MKLN1: variants seen among roughly 807,000 people sequenced by gnomAD.
MKLN1 encodes the protein muskelin 1, also known as muskelin.
A neutral mutation model predicts 99.0 loss-of-function variants in MKLN1; 18 were observed. That is an observed-to-expected ratio of 0.18 (90% CI 0.13 to 0.27). The LOEUF is 0.27. MKLN1 is among the 10% of genes least tolerant of loss of function. The probability of loss-of-function intolerance (pLI) is 1.00; values close to 1 mark genes in which losing one functional copy is unlikely to be tolerated. For synonymous variants in MKLN1, 288 were observed against 293.2 expected (o/e 0.98, Z 0.18); for missense variants, 621 against 875.9 (o/e 0.71, Z 3.67).
At chr7:131,177,336 C>A (rs747822946) in intron 2 of MKLN1, among the ~76,000 whole-genome samples, 2 of 151,906 alleles carry the variant, frequency 1.3e-5, no homozygotes, top group Non-Finnish European at 2.9e-5. Context: ...GACGTGGTGG[C>A]GCGTGCCTGT....
rs191943677 is a variant in MKLN1, at chr7:131,218,723, C to T, written c.-179+15749C>T. Among the ~76,000 whole-genome samples, 7 of 152,196 alleles carry T rather than the reference C, an allele frequency of 4.6e-5. No homozygotes were observed. In the East Asian group the frequency reaches 1.4e-3, roughly 29 times the overall value. On this transcript the variant is annotated intron_variant, in intron 3 of 7. Transcript: ENST00000416992. ...TGGATGAACCTTGGGAACATGATGC[C>T]GAGTGAAATAAGCCAGTCACAACAA...
Position 131,487,982 on chromosome 7 carries a change from T to TA in MKLN1, c.*254_*255insA, listed in dbSNP as rs1797332114. 1.2e-5 allele frequency: 2 copies of TA among 171,700 alleles called. No homozygotes were observed. Among genetic ancestry groups the TA allele is most frequent in the African/African-American group, 2.4e-5 (1 of 41,778 alleles). The allele number at this position is 171,700 out of a possible 1,614,324, so 10.6% of individuals were successfully genotyped here. ...CCAGTTAAATATATATATATATATA[T>TA]TTTTTCTTACTTTATCTTTTAAGAA... is the stretch of plus-strand genomic sequence containing the variant. On this transcript the variant is annotated 3_prime_UTR_variant, in exon 18 of 18. Coordinates refer to ENST00000352689, the MANE Select transcript of MKLN1 (RefSeq NM_013255.5). The surrounding 1 kb of genome is among the most constrained non-coding windows in gnomAD (Gnocchi z 4.7).
chr7:131,301,997 T>C (rs1341393977), intron 3 of MKLN1, among the ~76,000 whole-genome samples: 2 of 152,290 alleles, frequency 1.3e-5, no homozygotes, highest in East Asian at 1.9e-4. Context: ...TCATGTGAAA[T>C]AGGAAAAGTT....
At chr7:131,364,639 C>A (rs1221963240) in intron 1 of MKLN1, among the ~76,000 whole-genome samples, 2 of 152,078 alleles carry the variant, frequency 1.3e-5, no homozygotes, top group Non-Finnish European at 2.9e-5. Flanking sequence ...CACCCTCCAC[C>A]CTCAAGTAGT....
chr7:131,118,091 G>C (rs933277716), intron 1 of MKLN1, among the ~76,000 whole-genome samples: 8 of 152,180 alleles, frequency 5.3e-5, no homozygotes. Context: ...TATTGATGAT[G>C]AATGAGTTCT....
At chr7:131,147,479 C>A (rs1795831969) in intron 2 of MKLN1, among the ~76,000 whole-genome samples, 2 of 152,110 alleles carry the variant, frequency 1.3e-5, no homozygotes, top group African/African-American at 2.4e-5. Flanking sequence ...TCTTACAGAG[C>A]TTAGGTGAGC....
In MKLN1 at chr7:131,331,358, A is replaced by G. The variant is rs543070957; in HGVS notation, c.98+3361A>G. On this transcript the variant is annotated intron_variant, in intron 1 of 17. Coordinates refer to ENST00000352689, the MANE Select transcript of MKLN1 (RefSeq NM_013255.5). Reference sequence around the variant, plus strand: ...TTTCTATTCTTCAGGCACTGTACTGAGCATTTAGCATGTGTTCTTTGATAT... The same window carrying G: ...TTTCTATTCTTCAGGCACTGTACTGGGCATTTAGCATGTGTTCTTTGATAT... Among the ~76,000 whole-genome samples, 4 of 152,304 alleles carry G rather than the reference A, an allele frequency of 2.6e-5. No individual in the cohort carries two copies. The East Asian group carries it at 5.8e-4, about 22-fold the overall frequency.
chr7:131,242,567 A>G lies in MKLN1; in HGVS notation c.-179+39593A>G, dbSNP rs1563264466. 3 of 418,140 alleles carry G rather than the reference A, an allele frequency of 7.2e-6. No homozygotes were observed. The Admixed American group carries it at 9.1e-5, about 13-fold the overall frequency. The allele number at this position is 418,140 out of a possible 1,614,324, so 25.9% of individuals were successfully genotyped here. ...AGAAAAAGGAAAGTTCCTTTTTGCT[A>G]TAGGCCCGAGGGGTTGCTGCTGAAA... On this transcript the variant is annotated intron_variant, in intron 3 of 7. Coordinates refer to the MKLN1 transcript ENST00000416992.
chr7:131,145,666 T>C (rs994696506), intron 2 of MKLN1, among the ~76,000 whole-genome samples: 1 of 152,246 alleles, frequency 6.6e-6, no homozygotes, highest in Non-Finnish European at 1.5e-5. Context: ...CTAGCATATG[T>C]AGCTACCTTT....
intron 3 of MKLN1, among the ~76,000 whole-genome samples, chr7:131,266,567 C>T (rs1330896570): frequency 7.2e-5 from 11 of 152,082 alleles, no homozygotes; most frequent in South Asian, 2.1e-4. Flanking sequence ...GAAGCACTCA[C>T]GTAACATAGT....
intron 1 of MKLN1, among the ~76,000 whole-genome samples, chr7:131,123,022 CAA>C (rs59581806): frequency 5.0e-5 from 3 of 60,374 alleles, no homozygotes; most frequent in Non-Finnish European, 8.4e-5. Context: ...GACTCCGTCT[CAA>C]AAAAAAAAAA....
chr7:131,229,281 T>G (rs1235638679), intron 3 of MKLN1, among the ~76,000 whole-genome samples: 1 of 152,042 alleles, frequency 6.6e-6, no homozygotes, highest in African/African-American at 2.4e-5. Flanking sequence ...TCATCTACAT[T>G]AGGTATTTCT....
intron 10 of MKLN1, among the ~76,000 whole-genome samples, chr7:131,438,621 CT>C (rs1795741662): frequency 6.6e-6 from 1 of 151,682 alleles, no homozygotes; most frequent in Non-Finnish European, 1.5e-5. Flanking sequence ...TGTTACCTGT[CT>C]TTGAATACTT....
intron 3 of MKLN1, among the ~76,000 whole-genome samples, chr7:131,204,928 C>T (rs1409627519): frequency 5.6e-5 from 5 of 88,946 alleles, no homozygotes; most frequent in South Asian, 5.7e-4. Context: ...AGCAAGACTC[C>T]GTATCAAAAA....
rs932513288 is a variant in MKLN1 at position 131,418,774 on chromosome 7, CA to C, written c.847+4066del. Among the ~76,000 whole-genome samples the C allele has an allele frequency of 6.3e-4, 96 of 152,180 alleles. 1 individual carries two copies. Among genetic ancestry groups the C allele is most frequent in the African/African-American group, 2.1e-3 (89 of 41,504 alleles). On this transcript the variant is annotated intron_variant, in intron 8 of 17. Coordinates refer to ENST00000352689, the MANE Select transcript of MKLN1 (RefSeq NM_013255.5). ...TATTTTTTGGTAGATACTGGTGAGA[CA>C]ATTAGGTTTGGGGTTCAAACTGAGG... is the stretch of plus-strand genomic sequence containing the variant.
intron 2 of MKLN1, among the ~76,000 whole-genome samples, chr7:131,177,698 T>C (rs551233956): frequency 2.0e-5 from 3 of 152,332 alleles, no homozygotes; most frequent in African/African-American, 7.2e-5. Context: ...CAAATGCTCC[T>C]TGTCTTTTGA....
intron 12 of MKLN1, among the ~76,000 whole-genome samples, chr7:131,446,215 C>G (rs540031614): frequency 3.1e-4 from 47 of 152,014 alleles, no homozygotes; most frequent in African/African-American, 1.1e-3. Context: ...TTTTTTTCAT[C>G]TTCTATTTTC....
intron 3 of MKLN1, among the ~76,000 whole-genome samples, chr7:131,284,113 CAT>C (rs1798099104): frequency 6.6e-6 from 1 of 152,104 alleles, no homozygotes. Context: ...TCCTTGAACA[CAT>C]GTGTGAGAGT....
chr7:131,270,281 G>A (rs1300730032), intron 3 of MKLN1, among the ~76,000 whole-genome samples: 2 of 151,794 alleles, frequency 1.3e-5, no homozygotes, highest in Admixed American at 6.6e-5. Flanking sequence ...GGAGTGCAGT[G>A]GCACAATCTT....
Sources: gnomAD v4.1 joint callset for allele counts (sites outside exome capture counted in the v4.1 genomes callset) on GRCh38, gnomAD v4.1.1 for gene constraint, Gnocchi (gnomAD v3.1) non-coding constraint, MANE v1.5 for transcripts, NCBI Gene and HGNC (gene_info 2026-07-23, HGNC 2026-07-21) for gene names.